ZNF69: variants seen among roughly 807,000 people sequenced by gnomAD.
ZNF69 encodes ZNF3.
A neutral mutation model predicts 50.9 loss-of-function variants in ZNF69; 47 were observed. The ratio of observed to expected loss-of-function variants is 0.92; its 90% confidence interval spans 0.73 to 1.18. ZNF69 has a LOEUF of 1.18. Among genes scored for constraint, ZNF69 ranks in the 50% most tolerant of loss-of-function variants. The pLI is 0.00. For synonymous variants in ZNF69, 216 were observed against 223.1 expected (o/e 0.97, Z 0.29); for missense variants, 717 against 675.1 (o/e 1.06, Z -0.69).
chr19:11,928,458 C>T, the ZNF69 span, among the ~76,000 whole-genome samples: 310 of 150,492 alleles, frequency 2.1e-3, 1 homozygote, highest in African/African-American at 7.3e-3. Flanking sequence ...CTGGGCCGGG[C>T]GCGGTGGCTC....
rs564673500 is a variant in ZNF69, at chr19:11,893,908, A to G, written c.63+5922A>G. Among the ~76,000 whole-genome samples, 9 of 152,322 alleles carry G rather than the reference A, an allele frequency of 5.9e-5. No individual in the cohort carries two copies. The South Asian group carries it at 1.0e-3, about 18-fold the overall frequency. On this transcript the variant is annotated intron_variant, in intron 1 of 3. Transcript: ENST00000429654. ...GATGTTGCTATTGAGGAAAAAGAGA[A>G]ATGATTCCTGTCCTCTGGATTGTCT...
chr19:11,967,668 G>T, the ZNF69 span, among the ~76,000 whole-genome samples: 1 of 152,112 alleles, frequency 6.6e-6, no homozygotes, highest in Non-Finnish European at 1.5e-5. Flanking sequence ...CTCCCAAAGT[G>T]CTGGGATTAC....
At chr19:11,948,525 AC>A in the ZNF69 span, 25 of 1,611,486 alleles carry the variant, frequency 1.6e-5, no homozygotes, top group Non-Finnish European at 1.9e-5. Context: ...ATAAGTGTCA[AC>A]AACCTAAAAA....
chr19:11,949,007 A>C, the ZNF69 span: 1 of 1,606,398 alleles, frequency 6.2e-7, no homozygotes, highest in Non-Finnish European at 8.5e-7. Context: ...GAAAGGACCC[A>C]CTCTGGGAAA....
At position 11,906,156 on chromosome 19, in the gene ZNF69, G is replaced by T. The variant is rs923134266; in HGVS notation, c.*58G>T. 6.3e-7 allele frequency: 1 copy of T among 1,576,394 alleles called. No homozygotes were observed. Among genetic ancestry groups the T allele is most frequent in the Admixed American group, 2.0e-5 (1 of 49,352 alleles). ...AATGCATGGTAGGACACACAATCAAGAGAAACCATGAATGTAAAGAATGTG... is the reference window on the plus strand; with the variant it reads ...AATGCATGGTAGGACACACAATCAATAGAAACCATGAATGTAAAGAATGTG... On this transcript the variant is annotated 3_prime_UTR_variant, in exon 4 of 4. Coordinates refer to ENST00000429654, the MANE Select transcript of ZNF69 (RefSeq NM_001364730.1).
downstream of ZNF69, among the ~76,000 whole-genome samples, chr19:11,907,455 G>A (rs373390132): frequency 2.8e-4 from 42 of 152,304 alleles, 1 homozygote; most frequent in East Asian, 2.7e-3. Context: ...AGGGAAGCCC[G>A]TCAGACTAAC....
the ZNF69 span, chr19:11,947,081 T>C: frequency 1.3e-6 from 2 of 1,507,910 alleles, no homozygotes; most frequent in Non-Finnish European, 1.8e-6. Flanking sequence ...GAATAAATGT[T>C]TGGAGTCCAC....
At chr19:11,978,723 A>C in the ZNF69 span, 1 of 1,613,838 alleles carries the variant, frequency 6.2e-7, no homozygotes, top group East Asian at 2.2e-5. Flanking sequence ...AGCATTCCAT[A>C]GTTCCAGTTC....
chr19:11,888,993 CAGAA>C (rs1848388836), intron 1 of ZNF69, among the ~76,000 whole-genome samples: 1 of 151,972 alleles, frequency 6.6e-6, no homozygotes, highest in Non-Finnish European at 1.5e-5. Context: ...AAACAAAAAA[CAGAA>C]AGGGCGGGAC....
At chr19:11,980,207 C>A in the ZNF69 span, 1 of 451,532 alleles carries the variant, frequency 2.2e-6, no homozygotes. Flanking sequence ...TGATGAAACC[C>A]CTGTCTCTAC....
chr19:11,900,675 G>T (rs1464280077), intron 1 of ZNF69, among the ~76,000 whole-genome samples: 1 of 152,084 alleles, frequency 6.6e-6, no homozygotes, highest in Non-Finnish European at 1.5e-5. Context: ...TGATTGGTTG[G>T]TTTTTTTCTT....
At chr19:11,979,253 C>T in the ZNF69 span, 2 of 1,613,436 alleles carry the variant, frequency 1.2e-6, no homozygotes, top group Non-Finnish European at 8.5e-7. Context: ...CATGAAAGGA[C>T]TCACACTGGA....
chr19:11,945,398 T>C, the ZNF69 span, among the ~76,000 whole-genome samples: 1 of 152,224 alleles, frequency 6.6e-6, no homozygotes, highest in Non-Finnish European at 1.5e-5. Context: ...GCACAAGTCC[T>C]GTACTGGCCT....
In ZNF69 at chr19:11,905,600, T is replaced by G. The variant is rs1198587808; in HGVS notation, c.1203T>G (p.Ser401Arg). The part of the protein sequence containing the change: ...KQCGKAFIHS[S>R]SLRYHERIHT... ...GTGGTAAAGCCTTCATTCATTCCAG[T>G]TCCCTTCGTTATCATGAAAGGATTC... Residue 401 changes from serine (S) to arginine (R), a missense_variant, in exon 4 of 4, where the codon AGT (serine) becomes AGG (arginine). Transcript: ENST00000429654. 2 of 1,613,498 alleles carry G rather than the reference T, an allele frequency of 1.2e-6. No individual in the cohort carries two copies. Among genetic ancestry groups the G allele is most frequent in the South Asian group, 2.2e-5 (2 of 91,042 alleles).
chr19:11,975,393 T>A, the ZNF69 span, among the ~76,000 whole-genome samples: 33 of 147,194 alleles, frequency 2.2e-4, no homozygotes, highest in Non-Finnish European at 4.4e-4. Context: ...TTGATTTTTT[T>A]TTTTATTTTA....
At chr19:11,978,182 G>C in the ZNF69 span, 1 of 1,614,026 alleles carries the variant, frequency 6.2e-7, no homozygotes, top group Non-Finnish European at 8.5e-7. Context: ...CTTTTACCCA[G>C]GTTCCAGATG....
intron 1 of ZNF69, among the ~76,000 whole-genome samples, chr19:11,897,043 A>G (rs999445437): frequency 6.6e-6 from 1 of 152,134 alleles, no homozygotes; most frequent in Non-Finnish European, 1.5e-5. Flanking sequence ...GACTTGAAGA[A>G]AATTAGTTTT....
chr19:11,910,179 A>G (rs1465159143), downstream of ZNF69, among the ~76,000 whole-genome samples: 1 of 152,240 alleles, frequency 6.6e-6, no homozygotes, highest in Non-Finnish European at 1.5e-5. Context: ...AGAGGACACA[A>G]ACAAATGGAA....
the ZNF69 span, chr19:11,950,190 C>T: frequency 6.1e-5 from 99 of 1,613,436 alleles, no homozygotes; most frequent in East Asian, 8.9e-5. Context: ...TGCATATACA[C>T]GCAAGGACTC....
Sources: allele counts gnomAD v4.1 joint callset (sites outside exome capture counted in the v4.1 genomes callset), GRCh38; gene constraint gnomAD v4.1.1; transcripts MANE v1.5; gene names NCBI Gene and HGNC (gene_info 2026-07-23, HGNC 2026-07-21).